The following PPP1R9A variants were observed in gnomAD, a reference collection of about 807,000 sequenced individuals.
The protein encoded by PPP1R9A is protein phosphatase 1 regulatory subunit 9A.
PPP1R9A carries 59 observed loss-of-function variants against 141.9 expected under a neutral mutation model. The ratio of observed to expected loss-of-function variants is 0.42; its 90% CI spans 0.34 to 0.52. The LOEUF (loss-of-function observed/expected upper bound fraction) is 0.52, where lower values mean the gene tolerates loss of function less well. Ranked by LOEUF, PPP1R9A falls within the 20% of genes least tolerant of loss-of-function variation. The pLI, the probability that PPP1R9A is intolerant of heterozygous loss-of-function variation, is 0.10. For missense variants in PPP1R9A, 1,444 were observed against 1,611.9 expected, an observed-to-expected ratio of 0.90 and a Z score of 1.78; for synonymous variants, 500 against 569.7, an observed-to-expected ratio of 0.88 and a Z score of 1.74.
chr7:94,912,652 T>A (rs1381767819), intron 2 of PPP1R9A, among the ~76,000 whole-genome samples: 7 of 152,160 alleles, frequency 4.6e-5, no homozygotes, highest in Non-Finnish European at 8.8e-5. Context: ...TAAAGAGAAA[T>A]CTGACATTGT....
intron 2 of PPP1R9A, among the ~76,000 whole-genome samples, chr7:95,052,224 G>A (rs55923761): frequency 5.3e-5 from 8 of 152,136 alleles, no homozygotes; most frequent in East Asian, 1.9e-4. Flanking sequence ...GGGAGACTAC[G>A]AACTGGCTTG....
intron 8 of PPP1R9A, among the ~76,000 whole-genome samples, chr7:95,233,852 A>T (rs939308196): frequency 6.6e-6 from 1 of 152,212 alleles, no homozygotes; most frequent in Non-Finnish European, 1.5e-5. Context: ...ATTTCATACC[A>T]GGGATGCAGG....
chr7:95,101,701 A>G (rs949980504), intron 2 of PPP1R9A, among the ~76,000 whole-genome samples: 2 of 152,232 alleles, frequency 1.3e-5, no homozygotes, highest in African/African-American at 4.8e-5. Context: ...TAACATCTTC[A>G]TAAATAGACT....
chr7:95,187,990 T>C (rs1279898362), intron 5 of PPP1R9A, among the ~76,000 whole-genome samples: 1 of 152,166 alleles, frequency 6.6e-6, no homozygotes, highest in Non-Finnish European at 1.5e-5. Context: ...AGTTGTTGGG[T>C]AGAATGTTCT....
chr7:95,108,541 A>G (rs572271963), intron 2 of PPP1R9A, among the ~76,000 whole-genome samples: 3 of 150,736 alleles, frequency 2.0e-5, no homozygotes, highest in Non-Finnish European at 4.4e-5. Context: ...GGATCTCCTG[A>G]CCTCATGATC....
At chr7:95,140,139 A>G (rs1488859810) in intron 4 of PPP1R9A, among the ~76,000 whole-genome samples, 1 of 152,210 alleles carries the variant, frequency 6.6e-6, no homozygotes, top group Non-Finnish European at 1.5e-5. Flanking sequence ...TTGTAGCTCC[A>G]TTCATTTTTC....
At chr7:95,256,293 A>G (rs1197259239) in intron 12 of PPP1R9A, among the ~76,000 whole-genome samples, 2 of 152,162 alleles carry the variant, frequency 1.3e-5, no homozygotes, top group Non-Finnish European at 2.9e-5. Context: ...ACTTGAGTCT[A>G]TGTAAACAAC....
intron 16 of PPP1R9A, 48 bp from the exon 17 acceptor site, chr7:95,283,970 T>C (rs2115716162): frequency 2.1e-6 from 3 of 1,441,672 alleles, no homozygotes; most frequent in Non-Finnish European, 2.8e-6. Flanking sequence ...AGTAGGTCTT[T>C]TATCCGCCCT....
chr7:95,246,842 GCT>G (rs1435020958), intron 8 of PPP1R9A, among the ~76,000 whole-genome samples: 1 of 152,196 alleles, frequency 6.6e-6, no homozygotes, highest in Admixed American at 6.5e-5. Context: ...TTGCTAATAA[GCT>G]GTGGCAGAAG....
At chr7:95,115,931 A>T (rs1014475799) in intron 3 of PPP1R9A, among the ~76,000 whole-genome samples, 1 of 151,508 alleles carries the variant, frequency 6.6e-6, no homozygotes, top group Non-Finnish European at 1.5e-5. Context: ...AAAAAAAAAA[A>T]AAGAAAGAAA....
intron 2 of PPP1R9A, among the ~76,000 whole-genome samples, chr7:95,072,817 T>C (rs1345971316): frequency 3.0e-5 from 2 of 67,734 alleles, no homozygotes; most frequent in Non-Finnish European, 5.3e-5. Context: ...TTATATATAA[T>C]AATTATTATA....
chr7:95,074,600 G>A (rs1036060650), intron 2 of PPP1R9A, among the ~76,000 whole-genome samples: 3 of 151,440 alleles, frequency 2.0e-5, no homozygotes, highest in Non-Finnish European at 2.9e-5. Flanking sequence ...TCAGCCTCCC[G>A]AATAGGTGGG....
intron 12 of PPP1R9A, among the ~76,000 whole-genome samples, chr7:95,262,335 A>G (rs1049531631): frequency 2.6e-5 from 4 of 152,160 alleles, no homozygotes; most frequent in African/African-American, 2.4e-5. Flanking sequence ...CCTGGCTTTT[A>G]GGTTATGCAG....
chr7:94,921,298 T>A (rs1792781655), intron 2 of PPP1R9A, among the ~76,000 whole-genome samples: 1 of 151,748 alleles, frequency 6.6e-6, no homozygotes, highest in African/African-American at 2.4e-5. Context: ...TACAAAAAAA[T>A]TAGCTGGGCG....
intron 2 of PPP1R9A, among the ~76,000 whole-genome samples, chr7:95,029,228 A>G (rs1216477478): frequency 1.3e-5 from 2 of 152,150 alleles, no homozygotes; most frequent in African/African-American, 4.8e-5. Flanking sequence ...GAAGTGTTTT[A>G]TGGGAGGCCA....
intron 2 of PPP1R9A, among the ~76,000 whole-genome samples, chr7:94,929,679 G>A (rs542539848): frequency 5.9e-5 from 9 of 152,072 alleles, no homozygotes; most frequent in African/African-American, 1.7e-4. Flanking sequence ...AGGGGGTTTT[G>A]AGCATGGAAA....
rs1443551096 is a variant in PPP1R9A, at chr7:95,294,108, C to T, written c.*3805C>T. The T allele has an allele frequency of 6.6e-6, 1 of 152,106 alleles. No homozygotes were observed. The highest frequency in any genetic ancestry group is 1.5e-5 in the Non-Finnish European group (1 of 68,012). 9.4% of individuals were successfully genotyped at this position (152,106 alleles called of 1,614,324 possible). A position where few individuals can be genotyped will look rare whatever the true frequency, so the allele number is the denominator to read the frequency against. ...TAGGGTTCACGTCACCTACTTAATG[C>T]AAAGACCTTAGTGGTCTCAGAATGA... On this transcript the variant is annotated 3_prime_UTR_variant, in exon 20 of 20. Transcript: ENST00000433360.
intron 5 of PPP1R9A, among the ~76,000 whole-genome samples, chr7:95,165,625 G>A (rs570811180): frequency 8.5e-5 from 13 of 152,312 alleles, no homozygotes; most frequent in Middle Eastern, 3.4e-3. Flanking sequence ...GGGGTAATTT[G>A]TATCAGCAGC....
At chr7:94,931,252 C>G (rs1794121250) in intron 2 of PPP1R9A, among the ~76,000 whole-genome samples, 1 of 152,248 alleles carries the variant, frequency 6.6e-6, no homozygotes, top group Admixed American at 6.5e-5. Flanking sequence ...TTTCTGACGG[C>G]AGGTGAACTT....
Sources: gnomAD v4.1 joint callset for allele counts (sites outside exome capture counted in the v4.1 genomes callset) on GRCh38, gnomAD v4.1.1 for gene constraint, MANE v1.5 for transcripts, NCBI Gene and HGNC (gene_info 2026-07-23, HGNC 2026-07-21) for gene names.